Variants in TASP1 observed in about 807,000 individuals in gnomAD.
The protein encoded by TASP1 is threonine aspartase 1.
TASP1 carries 16 observed loss-of-function variants against 56.6 expected under a neutral mutation model. That is an observed-to-expected ratio of 0.28 (90% confidence interval 0.19 to 0.43). The LOEUF is 0.43. Among genes scored for constraint, TASP1 ranks in the 20% least tolerant of loss-of-function variants. The pLI is 1.00. For missense variants in TASP1, 393 were observed against 511.6 expected (o/e 0.77, Z 2.24); for synonymous variants, 179 against 184.2 (o/e 0.97, Z 0.23).
the TASP1 span, among the ~76,000 whole-genome samples, chr20:13,325,520 A>G: frequency 1.3e-5 from 2 of 152,146 alleles, no homozygotes; most frequent in Non-Finnish European, 2.9e-5. Flanking sequence ...GGATTATAAT[A>G]TTCACCTTTC....
chr20:13,116,199 G>A, the TASP1 span, among the ~76,000 whole-genome samples: 2 of 152,072 alleles, frequency 1.3e-5, no homozygotes, highest in African/African-American at 2.4e-5. Context: ...TGACTGAATC[G>A]ACCTAACACT....
intron 4 of TASP1, among the ~76,000 whole-genome samples, chr20:13,595,322 C>A (rs569231258): frequency 2.0e-5 from 3 of 152,154 alleles, no homozygotes; most frequent in African/African-American, 7.2e-5. Context: ...TATCAATTAA[C>A]GGCAAAATAA....
the TASP1 span, among the ~76,000 whole-genome samples, chr20:13,123,184 A>G: frequency 2.0e-5 from 3 of 152,132 alleles, no homozygotes; most frequent in African/African-American, 7.2e-5. Context: ...TACAAAAATT[A>G]GCCAGGAGTG....
chr20:13,320,552 A>G, the TASP1 span, among the ~76,000 whole-genome samples: 2 of 152,236 alleles, frequency 1.3e-5, no homozygotes, highest in African/African-American at 4.8e-5. Flanking sequence ...GGAGGATGCT[A>G]TGTCAATTAG....
the TASP1 span, among the ~76,000 whole-genome samples, chr20:13,295,827 CA>C: frequency 6.6e-6 from 1 of 152,188 alleles, no homozygotes; most frequent in African/African-American, 2.4e-5. Context: ...TGAGAGCAGC[CA>C]GGGGGTGGAT....
At chr20:13,226,092 T>C in the TASP1 span, among the ~76,000 whole-genome samples, 1 of 152,226 alleles carries the variant, frequency 6.6e-6, no homozygotes, top group African/African-American at 2.4e-5. Context: ...GCAAGTATTA[T>C]AAAACACCAA....
At chr20:13,594,019 G>A (rs1465549716) in intron 4 of TASP1, among the ~76,000 whole-genome samples, 2 of 152,210 alleles carry the variant, frequency 1.3e-5, no homozygotes, top group Non-Finnish European at 2.9e-5. Flanking sequence ...GGATCAGGTA[G>A]CAATATTTGC....
At chr20:13,430,481 G>A (rs1224178459) in intron 12 of TASP1, among the ~76,000 whole-genome samples, 2 of 152,174 alleles carry the variant, frequency 1.3e-5, no homozygotes, top group African/African-American at 2.4e-5. Flanking sequence ...GGAGGAAGTC[G>A]CAGTTTTTTG....
chr20:13,386,888 G>T (rs12480285), downstream of TASP1, among the ~76,000 whole-genome samples: 8 of 152,158 alleles, frequency 5.3e-5, no homozygotes, highest in Admixed American at 5.2e-4. Context: ...TCTATTTTAG[G>T]TTCAGGGGGT....
chr20:13,579,598 G>T (rs1337998592), intron 6 of TASP1, among the ~76,000 whole-genome samples: 1 of 151,964 alleles, frequency 6.6e-6, no homozygotes, highest in Non-Finnish European at 1.5e-5. Context: ...TGATCTGCCC[G>T]CCTCAGCCTC....
chr20:13,441,203 A>G (rs984833475), intron 11 of TASP1, among the ~76,000 whole-genome samples: 3 of 152,108 alleles, frequency 2.0e-5, no homozygotes, highest in African/African-American at 7.2e-5. Context: ...GAAACCCTGC[A>G]ACTAGCTCCA....
the TASP1 span, among the ~76,000 whole-genome samples, chr20:13,347,834 T>C: frequency 2.0e-5 from 3 of 150,120 alleles, no homozygotes; most frequent in African/African-American, 7.5e-5. Flanking sequence ...ATAGCGAGAC[T>C]TTGTCTCAAA....
At chr20:13,378,598 T>G in the TASP1 span, among the ~76,000 whole-genome samples, 1 of 152,200 alleles carries the variant, frequency 6.6e-6, no homozygotes, top group African/African-American at 2.4e-5. Context: ...GTCTGCTTGG[T>G]CCAGAGCTGA....
the TASP1 span, among the ~76,000 whole-genome samples, chr20:13,111,763 A>G: frequency 3.9e-5 from 6 of 152,208 alleles, no homozygotes; most frequent in African/African-American, 1.4e-4. Flanking sequence ...ATCTCCTTTA[A>G]GCAGAGTAAA....
At chr20:13,293,246 G>A in the TASP1 span, among the ~76,000 whole-genome samples, 1 of 151,872 alleles carries the variant, frequency 6.6e-6, no homozygotes, top group Non-Finnish European at 1.5e-5. Flanking sequence ...TAAACCTTTG[G>A]TACAGTTTGC....
the TASP1 span, among the ~76,000 whole-genome samples, chr20:13,230,531 A>G: frequency 6.6e-6 from 1 of 152,222 alleles, no homozygotes; most frequent in Non-Finnish European, 1.5e-5. Flanking sequence ...CCCTTGGCTT[A>G]GGGTTTACAA....
At chr20:13,391,784 G>A (rs2041291711) in intron 13 of TASP1, among the ~76,000 whole-genome samples, 1 of 151,582 alleles carries the variant, frequency 6.6e-6, no homozygotes, top group Non-Finnish European at 1.5e-5. Context: ...TGGCCAACAT[G>A]GTGAAACCCT....
chr20:13,538,127 C>T (rs1214431984), intron 8 of TASP1, among the ~76,000 whole-genome samples: 3 of 151,874 alleles, frequency 2.0e-5, no homozygotes, highest in Non-Finnish European at 4.4e-5. Context: ...CTCAGCTTCC[C>T]GAGTAGGGGG....
At chr20:13,346,434 G>A in the TASP1 span, among the ~76,000 whole-genome samples, 1 of 152,196 alleles carries the variant, frequency 6.6e-6, no homozygotes, top group African/African-American at 2.4e-5. Context: ...GCTTCACAAA[G>A]CAGGAAGATG....
Sources: allele counts gnomAD v4.1 joint callset (sites outside exome capture counted in the v4.1 genomes callset), GRCh38; gene constraint gnomAD v4.1.1; transcripts MANE v1.5; gene names NCBI Gene and HGNC (gene_info 2026-07-23, HGNC 2026-07-21).